ARB2A: variants seen among roughly 807,000 people sequenced by gnomAD.
ARB2A encodes ARB2 cotranscriptional regulator A, also known as cotranscriptional regulator ARB2A.
At chr5:93,849,855 T>TG in the ARB2A span, among the ~76,000 whole-genome samples, 2 of 151,852 alleles carry the variant, frequency 1.3e-5, no homozygotes, top group Non-Finnish European at 2.9e-5. Flanking sequence ...ATAAGGAAAA[T>TG]GAAAAAACAT....
At chr5:93,764,759 C>T in the ARB2A span, among the ~76,000 whole-genome samples, 1 of 152,316 alleles carries the variant, frequency 6.6e-6, no homozygotes, top group East Asian at 1.9e-4. Flanking sequence ...GAATTTTAGA[C>T]CAATACCCTG....
At chr5:93,924,346 C>A in the ARB2A span, among the ~76,000 whole-genome samples, 1 of 152,154 alleles carries the variant, frequency 6.6e-6, no homozygotes, top group Non-Finnish European at 1.5e-5. Context: ...CAAGTTTTAA[C>A]TACCATATGC....
the ARB2A span, among the ~76,000 whole-genome samples, chr5:93,794,992 G>A: frequency 2.0e-5 from 3 of 152,150 alleles, no homozygotes; most frequent in Non-Finnish European, 2.9e-5. Context: ...TTACTCAGGC[G>A]GTGGGCAGGG....
the ARB2A span, among the ~76,000 whole-genome samples, chr5:93,978,761 C>A: frequency 6.6e-6 from 1 of 151,880 alleles, no homozygotes; most frequent in Non-Finnish European, 1.5e-5. Context: ...GCACATGTAC[C>A]CACTGAATCC....
the ARB2A span, among the ~76,000 whole-genome samples, chr5:93,906,002 T>C: frequency 6.6e-6 from 1 of 151,570 alleles, no homozygotes; most frequent in Non-Finnish European, 1.5e-5. Flanking sequence ...GATAACACTG[T>C]TTCATTTTGA....
chr5:93,751,432 T>C, the ARB2A span, among the ~76,000 whole-genome samples: 2 of 152,184 alleles, frequency 1.3e-5, no homozygotes, highest in African/African-American at 4.8e-5. Flanking sequence ...ATCAGTTAAA[T>C]TAATTTTTGC....
At chr5:94,046,722 T>A in the ARB2A span, among the ~76,000 whole-genome samples, 1 of 152,192 alleles carries the variant, frequency 6.6e-6, no homozygotes. Context: ...AAATTCACTT[T>A]TTTTTTGTAC....
At chr5:93,834,354 A>G in the ARB2A span, among the ~76,000 whole-genome samples, 1 of 152,218 alleles carries the variant, frequency 6.6e-6, no homozygotes, top group East Asian at 1.9e-4. Flanking sequence ...GGGTCATTTC[A>G]AGAAGGCTAA....
chr5:93,634,178 G>A, the ARB2A span, among the ~76,000 whole-genome samples: 10 of 152,054 alleles, frequency 6.6e-5, no homozygotes, highest in Admixed American at 3.9e-4. Context: ...TGAGGCGGGC[G>A]GATCACGAGG....
chr5:93,691,751 G>GA, the ARB2A span, among the ~76,000 whole-genome samples: 1 of 151,798 alleles, frequency 6.6e-6, no homozygotes, highest in Non-Finnish European at 1.5e-5. Flanking sequence ...TGAAATAAAG[G>GA]AAAAAATGTT....
At chr5:93,659,827 C>G in the ARB2A span, among the ~76,000 whole-genome samples, 1 of 152,118 alleles carries the variant, frequency 6.6e-6, no homozygotes, top group Non-Finnish European at 1.5e-5. Flanking sequence ...TCTATCCACT[C>G]ATTTGTTAAC....
chr5:93,921,769 C>G, the ARB2A span, among the ~76,000 whole-genome samples: 1 of 152,130 alleles, frequency 6.6e-6, no homozygotes, highest in Non-Finnish European at 1.5e-5. Flanking sequence ...ACACCAGCCG[C>G]CTGTTTTTTG....
the ARB2A span, among the ~76,000 whole-genome samples, chr5:94,058,658 A>G: frequency 2.0e-5 from 3 of 152,246 alleles, no homozygotes; most frequent in African/African-American, 4.8e-5. Context: ...TCCAAAATGA[A>G]GCAGAGAAAA....
At chr5:93,777,387 G>T in the ARB2A span, among the ~76,000 whole-genome samples, 3 of 151,986 alleles carry the variant, frequency 2.0e-5, no homozygotes, top group Non-Finnish European at 4.4e-5. Flanking sequence ...TAAAAAATAG[G>T]TAATTTTTAA....
chr5:93,824,333 T>G, the ARB2A span: 1 of 1,166,272 alleles, frequency 8.6e-7, no homozygotes, highest in African/African-American at 1.6e-5. Context: ...AAACAACAAT[T>G]AAATTATATG....
At chr5:93,860,488 C>T in the ARB2A span, among the ~76,000 whole-genome samples, 1 of 151,008 alleles carries the variant, frequency 6.6e-6, no homozygotes, top group Non-Finnish European at 1.5e-5. Context: ...GCAAGCAAAA[C>T]CAAACAATAT....
At chr5:94,040,904 C>G in the ARB2A span, among the ~76,000 whole-genome samples, 2 of 152,096 alleles carry the variant, frequency 1.3e-5, no homozygotes, top group Non-Finnish European at 2.9e-5. Flanking sequence ...TGTTTCGTCA[C>G]ACGTATTTTG....
At chr5:93,929,459 G>A in the ARB2A span, among the ~76,000 whole-genome samples, 2 of 152,072 alleles carry the variant, frequency 1.3e-5, no homozygotes, top group Non-Finnish European at 1.5e-5. Flanking sequence ...AAACAAGTGT[G>A]CCAACAACAG....
chr5:93,820,076 AAAGT>A, the ARB2A span, among the ~76,000 whole-genome samples: 4 of 152,366 alleles, frequency 2.6e-5, no homozygotes, highest in African/African-American at 9.6e-5. Flanking sequence ...AAAGGAAATA[AAAGT>A]AATAAGAAAA....
Sources: allele counts gnomAD v4.1 joint callset (sites outside exome capture counted in the v4.1 genomes callset), GRCh38; gene constraint gnomAD v4.1.1; transcripts MANE v1.5; gene names NCBI Gene and HGNC (gene_info 2026-07-23, HGNC 2026-07-21).